The following STT3B variants were observed in gnomAD, a reference collection of about 807,000 sequenced individuals.
STT3B encodes dolichyl-diphosphooligosaccharide--protein glycosyltransferase subunit STT3B.
Under a neutral mutation model 96.8 loss-of-function variants are expected in STT3B, and 29 were observed. The ratio of observed to expected loss-of-function variants is 0.30; its 90% CI spans 0.22 to 0.41. The LOEUF (loss-of-function observed/expected upper bound fraction) is 0.41, where lower values mean the gene tolerates loss of function less well. Ranked by LOEUF, STT3B falls within the 10% of genes least tolerant of loss-of-function variation. The pLI, the probability that STT3B is intolerant of heterozygous loss-of-function variation, is 1.00. For missense variants in STT3B, 640 were observed against 1,022.3 expected (o/e 0.63, Z 5.10); for synonymous variants, 367 against 360.0 (o/e 1.02, Z -0.22).
intron 13 of STT3B, among the ~76,000 whole-genome samples, chr3:31,628,387 C>T (rs946863317): frequency 1.3e-5 from 2 of 152,130 alleles, no homozygotes; most frequent in South Asian, 2.1e-4. Flanking sequence ...TTGCACAGTA[C>T]GTTGCATTTT....
chr3:31,615,416 TA>T (rs1453455772), intron 6 of STT3B, among the ~76,000 whole-genome samples: 2 of 151,872 alleles, frequency 1.3e-5, no homozygotes, highest in African/African-American at 2.4e-5. Flanking sequence ...GTAGTTATTT[TA>T]TTTGTAACAT....
Position 31,596,838 on chromosome 3 carries a change from G to T in STT3B, c.752G>T (p.Cys251Phe). The T allele has an allele frequency of 6.2e-7, 1 of 1,612,554 alleles. No individual in the cohort carries two copies. The highest frequency in any genetic ancestry group is 8.5e-7 in the Non-Finnish European group (1 of 1,179,006). ...VKTGSVFWTM[C>F]CCLSYFYMVS... is the part of the protein sequence containing the mutation. Reference sequence around the variant, plus strand: ...ACTGGGTCAGTTTTTTGGACAATGTGCTGCTGCTTATCCTATTTCTATATG... The same window carrying T: ...ACTGGGTCAGTTTTTTGGACAATGTTCTGCTGCTTATCCTATTTCTATATG... The change falls in exon 4 of 16, where the codon TGC (cysteine) becomes TTC (phenylalanine). Residue 251 changes from cysteine to phenylalanine, a missense_variant. Cys to Phe is a radical substitution (Grantham distance 205, BLOSUM62 -2). This residue lies in a region of STT3B where 267 missense variants were observed against 388.3 expected (regional missense o/e 0.69). Coordinates refer to ENST00000295770, the MANE Select transcript of STT3B (RefSeq NM_178862.3).
At chr3:31,615,509 G>A (rs11919308) in intron 6 of STT3B, among the ~76,000 whole-genome samples, 12,642 of 151,764 alleles carry the variant, frequency 0.083, 582 homozygotes, top group South Asian at 0.11. Context: ...GATTCTCAGT[G>A]GAGTCTGACT....
In STT3B at chr3:31,619,658, T is replaced by G. The variant is rs1229404108; in HGVS notation, c.1173-18T>G. On this transcript the variant is annotated intron_variant, in intron 8 of 15. Transcript: ENST00000295770. Reference sequence around the variant, plus strand: ...TTTATCACTTAATTGTAAACAATATTAACTTTTTTAATACCAGGTATGCAA... The same window carrying G: ...TTTATCACTTAATTGTAAACAATATGAACTTTTTTAATACCAGGTATGCAA... 1.3e-6 allele frequency: 2 copies of G among 1,596,822 alleles called. No homozygotes were observed. The highest frequency in any genetic ancestry group is 2.3e-5 in the South Asian group (2 of 87,594).
intron 5 of STT3B, among the ~76,000 whole-genome samples, chr3:31,609,365 T>G (rs1699132822): frequency 6.6e-6 from 1 of 152,196 alleles, no homozygotes; most frequent in African/African-American, 2.4e-5. Context: ...TTAAGTTACA[T>G]AAAAATTATA....
At chr3:31,566,634 T>C (rs1698014019) in intron 1 of STT3B, among the ~76,000 whole-genome samples, 1 of 152,216 alleles carries the variant, frequency 6.6e-6, no homozygotes, top group South Asian at 2.1e-4. Context: ...TTTGAATTGC[T>C]GGTTACCCCC....
chr3:31,604,933 T>G (rs936726711), intron 5 of STT3B, among the ~76,000 whole-genome samples: 1 of 152,194 alleles, frequency 6.6e-6, no homozygotes, highest in African/African-American at 2.4e-5. Flanking sequence ...TTTGATGTCC[T>G]TAGGCCTTAA....
At chr3:31,620,145 C>T (rs1004776661) in intron 9 of STT3B, 2 of 338,530 alleles carry the variant, frequency 5.9e-6, no homozygotes, top group Non-Finnish European at 1.1e-5. Context: ...CATGGTGGTG[C>T]ATGCCTGTAA....
rs1034106381 is a variant in STT3B, at chr3:31,533,393, G to T, written c.314+81G>T. 1.7e-5 allele frequency: 23 copies of T among 1,337,668 alleles called. 1 individual carries two copies. Among genetic ancestry groups the T allele is most frequent in the South Asian group, 9.0e-5 (5 of 55,684 alleles). The allele number at this position is 1,337,668 out of a possible 1,614,324, so 82.9% of individuals were successfully genotyped here. ...TCCTCCGCCCGCCGCAGCTCTCCTC[G>T]ACTTGGCCCCGCGCCGCCGCGGAGC... On this transcript the variant is annotated intron_variant, in intron 1 of 15. Coordinates refer to ENST00000295770, the MANE Select transcript of STT3B (RefSeq NM_178862.3).
chr3:31,616,025 A>G (rs1421709781), intron 6 of STT3B, among the ~76,000 whole-genome samples: 1 of 151,970 alleles, frequency 6.6e-6, no homozygotes, highest in Non-Finnish European at 1.5e-5. Context: ...CTCTAACAAA[A>G]GACAGATTAA....
chr3:31,560,288 G>C (rs187880204), intron 1 of STT3B, among the ~76,000 whole-genome samples: 32 of 151,968 alleles, frequency 2.1e-4, no homozygotes, highest in Non-Finnish European at 1.5e-5. Flanking sequence ...TTGTGGTTTG[G>C]TGGTTTTCTG....
intron 1 of STT3B, among the ~76,000 whole-genome samples, chr3:31,555,641 T>G (rs1697687143): frequency 6.6e-6 from 1 of 152,140 alleles, no homozygotes; most frequent in Non-Finnish European, 1.5e-5. Context: ...TATACTTGTC[T>G]TGTTCTTTAG....
At chr3:31,633,215 G>T in intron 15 of STT3B, 68 bp downstream of exon 15, 2 of 1,379,546 alleles carry the variant, frequency 1.4e-6, no homozygotes, top group Non-Finnish European at 2.0e-6. Context: ...AAGAATTTCT[G>T]GAAATTGCAA....
chr3:31,554,807 A>G (rs1363770756), intron 1 of STT3B, among the ~76,000 whole-genome samples: 1 of 152,128 alleles, frequency 6.6e-6, no homozygotes, highest in African/African-American at 2.4e-5. Flanking sequence ...TATTTTCTCT[A>G]AGATTTTTAT....
At chr3:31,590,858 C>G (rs886565083) in intron 3 of STT3B, among the ~76,000 whole-genome samples, 2 of 152,050 alleles carry the variant, frequency 1.3e-5, no homozygotes, top group African/African-American at 4.8e-5. Context: ...TAAATATTTA[C>G]TATCTTGACT....
intron 1 of STT3B, among the ~76,000 whole-genome samples, chr3:31,574,775 T>G (rs1698229642): frequency 6.6e-6 from 1 of 152,152 alleles, no homozygotes; most frequent in Non-Finnish European, 1.5e-5. Flanking sequence ...TAATCTAATT[T>G]TGTCATTCCT....
chr3:31,538,165 A>G (rs1264332813), intron 1 of STT3B, among the ~76,000 whole-genome samples: 3 of 152,222 alleles, frequency 2.0e-5, no homozygotes, highest in South Asian at 2.1e-4. Flanking sequence ...TTGCTTTAGC[A>G]TATCTTCCTA....
chr3:31,599,735 T>C (rs759426361), intron 4 of STT3B, among the ~76,000 whole-genome samples: 1 of 152,174 alleles, frequency 6.6e-6, no homozygotes, highest in Non-Finnish European at 1.5e-5. Flanking sequence ...CTTTAGAATA[T>C]TCATTAATGT....
Position 31,533,141 on chromosome 3 carries a change from C to G in STT3B, c.143C>G (p.Ala48Gly). Reference protein sequence around the residue: ...AQCAHKAAGGAAPPKPAPAGL... With the variant: ...AQCAHKAAGGGAPPKPAPAGL... ...TGCGCGCACAAGGCGGCGGGCGGCGCGGCGCCGCCGAAGCCGGCCCCGGCG... is the reference window on the plus strand; with the variant it reads ...TGCGCGCACAAGGCGGCGGGCGGCGGGGCGCCGCCGAAGCCGGCCCCGGCG... Residue 48 changes from alanine to glycine, a missense_variant, in exon 1 of 16, where the codon GCG becomes GGG. Coordinates refer to ENST00000295770, the MANE Select transcript of STT3B (RefSeq NM_178862.3). The G allele has an allele frequency of 1.5e-6, 2 of 1,294,420 alleles. No homozygotes were observed. The highest frequency in any genetic ancestry group is 2.0e-6 in the Non-Finnish European group (2 of 1,021,824). 80.2% of individuals were successfully genotyped at this position (1,294,420 alleles called of 1,614,324 possible). A position where few individuals can be genotyped will look rare whatever the true frequency, so the allele number is the denominator to read the frequency against.
Sources: allele counts gnomAD v4.1 joint callset (sites outside exome capture counted in the v4.1 genomes callset), GRCh38; gene constraint gnomAD v4.1.1; regional missense constraint gnomAD v4.1.1; transcripts MANE v1.5; gene names NCBI Gene and HGNC (gene_info 2026-07-23, HGNC 2026-07-21).